Variants in VAV1 observed in about 807,000 individuals in gnomAD.
VAV1 encodes proto-oncogene vav.
A neutral mutation model predicts 128.1 loss-of-function variants in VAV1; 33 were observed. The ratio of observed to expected loss-of-function variants is 0.26; its 90% confidence interval spans 0.20 to 0.34. The LOEUF is 0.34. VAV1 is among the 10% of genes least tolerant of loss of function. The pLI is 1.00. For synonymous variants in VAV1, 394 were observed against 409.8 expected (o/e 0.96, Z 0.47); for missense variants, 715 against 1,093.7 (o/e 0.65, Z 4.88).
intron 14 of VAV1, among the ~76,000 whole-genome samples, chr19:6,831,310 G>A (rs189488185): frequency 1.6e-4 from 25 of 152,058 alleles, no homozygotes; most frequent in African/African-American, 6.0e-4. Context: ...TCTGGTCTGT[G>A]GCTTCTCTAT....
intron 1 of VAV1, among the ~76,000 whole-genome samples, chr19:6,784,816 C>A (rs934252794): frequency 5.3e-5 from 8 of 151,988 alleles, no homozygotes; most frequent in African/African-American, 1.9e-4. Context: ...TATTCACTGA[C>A]CTCCTCTCTT....
At chr19:6,807,305 C>T (rs1398749826) in intron 1 of VAV1, among the ~76,000 whole-genome samples, 1 of 151,866 alleles carries the variant, frequency 6.6e-6, no homozygotes, top group Non-Finnish European at 1.5e-5. Flanking sequence ...TAGATGATCC[C>T]ATCTGGGGGT....
At chr19:6,785,851 G>GTATTTTTA (rs1568284030) in intron 1 of VAV1, among the ~76,000 whole-genome samples, 4 of 150,216 alleles carry the variant, frequency 2.7e-5, no homozygotes, top group Non-Finnish European at 5.9e-5. Flanking sequence ...GTAGAGATGG[G>GTATTTTTA]GTTTCACCAT....
chr19:6,800,242 A>G (rs942773548), intron 1 of VAV1, among the ~76,000 whole-genome samples: 15 of 152,134 alleles, frequency 9.9e-5, no homozygotes, highest in Non-Finnish European at 1.6e-4. Flanking sequence ...CAACTTTTCC[A>G]AAGTGGATCT....
chr19:6,856,099 C>T lies in VAV1; in HGVS notation c.2485-955C>T, dbSNP rs557234281. On this transcript the variant is annotated intron_variant, in intron 26 of 26. Transcript: ENST00000602142. ...CAGTTGAGGAGAGGAGTTTGAGACC[C>T]GCCTGGCCAACATGGCGAAACCCTG... 2.6e-5 allele frequency among the ~76,000 whole-genome samples: 4 copies of T among 151,636 alleles called. No individual in the cohort carries two copies. In the East Asian group the frequency reaches 5.9e-4, roughly 22 times the overall value.
intron 14 of VAV1, among the ~76,000 whole-genome samples, chr19:6,830,268 A>G (rs1468204616): frequency 6.6e-6 from 1 of 151,904 alleles, no homozygotes; most frequent in East Asian, 1.9e-4. Context: ...CATGTTGGCC[A>G]GGATGGTCTC....
At chr19:6,773,106 G>T in intron 1 of VAV1, 95 bp downstream of exon 1, 1 of 1,491,206 alleles carries the variant, frequency 6.7e-7, no homozygotes, top group East Asian at 2.3e-5. Context: ...CCACCTCTGG[G>T]CCTGCAAAGG....
At chr19:6,842,097 A>G (rs549447294) in intron 21 of VAV1, among the ~76,000 whole-genome samples, 2 of 152,074 alleles carry the variant, frequency 1.3e-5, no homozygotes, top group South Asian at 4.2e-4. Context: ...GTGGTGACAC[A>G]CACCTGTAAT....
At chr19:6,789,512 A>T (rs1599623921) in intron 1 of VAV1, among the ~76,000 whole-genome samples, 1 of 152,148 alleles carries the variant, frequency 6.6e-6, no homozygotes, top group Admixed American at 6.5e-5. Context: ...TGGCCTCCCA[A>T]AGTGCTGGGA....
chr19:6,807,578 C>T (rs1033005080), intron 1 of VAV1, among the ~76,000 whole-genome samples: 1 of 151,942 alleles, frequency 6.6e-6, no homozygotes, highest in African/African-American at 2.4e-5. Flanking sequence ...TGGACCGGTA[C>T]CAGGAGGCTT....
At chr19:6,785,942 G>A (rs1970882285) in intron 1 of VAV1, among the ~76,000 whole-genome samples, 1 of 152,060 alleles carries the variant, frequency 6.6e-6, no homozygotes, top group Non-Finnish European at 1.5e-5. Context: ...TACAGGTAAT[G>A]AGCCACCGCG....
intron 21 of VAV1, among the ~76,000 whole-genome samples, chr19:6,840,441 GACTACAGGCACTTGCC>G (rs1972345003): frequency 6.6e-6 from 1 of 151,866 alleles, no homozygotes; most frequent in Non-Finnish European, 1.5e-5. Flanking sequence ...GAGTAGCTGG[GACTACAGGCACTTGCC>G]ACCACGCCTG....
intron 1 of VAV1, among the ~76,000 whole-genome samples, chr19:6,791,674 G>A (rs921801630): frequency 6.6e-6 from 1 of 152,166 alleles, no homozygotes; most frequent in Non-Finnish European, 1.5e-5. Flanking sequence ...TTTAGAGGGG[G>A]CCAGACCCAT....
Position 6,832,211 on chromosome 19 carries a change from G to A in VAV1, c.1508+11G>A, listed in dbSNP as rs561295262. ...GTTTGAGATGGCCATGTGAGTCCCC[G>A]TCTTCCTCCCTCTTTCTGTCCACAG... On this transcript the variant is annotated intron_variant, in intron 15 of 26. Coordinates refer to ENST00000602142, the MANE Select transcript of VAV1 (RefSeq NM_005428.4). 2.2e-5 allele frequency: 36 copies of A among 1,612,962 alleles called. No individual in the cohort carries two copies. The Admixed American group carries it at 2.3e-4, about 10-fold the overall frequency.
chr19:6,833,838 G>A, intron 18 of VAV1, 70 bp from the exon 19 acceptor site: 1 of 1,613,698 alleles, frequency 6.2e-7, no homozygotes, highest in Non-Finnish European at 8.5e-7. Context: ...GTGGGGTGAG[G>A]AGAGTAAGGG....
chr19:6,812,072 C>T (rs75818590), intron 1 of VAV1, among the ~76,000 whole-genome samples: 12,251 of 152,216 alleles, frequency 0.08, 1,396 homozygotes, highest in African/African-American at 0.25. Context: ...TGGCCAGAAG[C>T]AGTCACATGA....
chr19:6,822,496 G>A lies in VAV1; in HGVS notation c.636G>A (p.Thr212=). The change falls in exon 6 of 27, where the codon ACG becomes ACA. Residue 212 remains threonine (T), a synonymous_variant. Coordinates refer to ENST00000602142, the MANE Select transcript of VAV1 (RefSeq NM_005428.4). The surrounding 1 kb of genome is among the most constrained non-coding windows in gnomAD (Gnocchi z 5.9). ...IQQTEEKYTD[T]LGSIQQHFLK... is the part of the protein sequence containing the mutation. ...AGACGGAGGAGAAGTACACTGACAC[G>A]CTGGGCTCCATCCAGCAGGTGGGCG... The A allele has an allele frequency of 6.4e-7, 1 of 1,551,506 alleles. No individual in the cohort carries two copies. Among genetic ancestry groups the A allele is most frequent in the East Asian group, 2.4e-5 (1 of 41,088 alleles).
chr19:6,831,288 T>C (rs938883221), intron 14 of VAV1, among the ~76,000 whole-genome samples: 1 of 152,022 alleles, frequency 6.6e-6, no homozygotes, highest in Non-Finnish European at 1.5e-5. Context: ...TGCCCTGGAG[T>C]TCCCCCTGTG....
chr19:6,797,057 C>A (rs2144723842), intron 1 of VAV1, among the ~76,000 whole-genome samples: 1 of 151,912 alleles, frequency 6.6e-6, no homozygotes, highest in Middle Eastern at 3.4e-3. Flanking sequence ...CGTGACAAAA[C>A]CCTGTCTCCA....
Sources: allele counts gnomAD v4.1 joint callset (sites outside exome capture counted in the v4.1 genomes callset), GRCh38; gene constraint gnomAD v4.1.1; non-coding constraint Gnocchi (gnomAD v3.1); transcripts MANE v1.5; gene names NCBI Gene and HGNC (gene_info 2026-07-23, HGNC 2026-07-21).